ADAM29: variants seen among roughly 807,000 people sequenced by gnomAD.
ADAM29 encodes ADAM metallopeptidase domain 29.
For synonymous variants in ADAM29, 367 were observed against 342.3 expected, an observed-to-expected ratio of 1.07 and a Z score of -0.80; for missense variants, 969 against 1,001.8, an observed-to-expected ratio of 0.97 and a Z score of 0.44.
At position 174,977,628 on chromosome 4, in the gene ADAM29, T is replaced by C. The variant is rs1397293073; in HGVS notation, c.2103T>C (p.Ser701=). 1 of 1,613,958 alleles carries C rather than the reference T, an allele frequency of 6.2e-7. No homozygotes were observed. The highest frequency in any genetic ancestry group is 1.3e-5 in the African/African-American group (1 of 74,984). The change falls in exon 5 of 5, where the codon AGT becomes AGC. Residue 701 remains serine (S), a synonymous_variant. Transcript: ENST00000359240. ...GTCTTTATCGACTTTGTAAAAAAAG[T>C]AAACCAATAAAAAAGCAGCAAGATG... The part of the protein sequence containing the change: ...LCCLYRLCKK[S]KPIKKQQDVQ...
At chr4:174,963,904 C>T (rs996183319) in intron 4 of ADAM29, among the ~76,000 whole-genome samples, 1 of 152,066 alleles carries the variant, frequency 6.6e-6, no homozygotes, top group South Asian at 2.1e-4. Flanking sequence ...CTCCTGACCT[C>T]GTGATCTGCC....
At chr4:174,941,061 A>T (rs1744511487) in intron 4 of ADAM29, among the ~76,000 whole-genome samples, 1 of 152,160 alleles carries the variant, frequency 6.6e-6, no homozygotes, top group Non-Finnish European at 1.5e-5. Flanking sequence ...ATTGAGATAA[A>T]ATTCTATTTA....
intron 3 of ADAM29, among the ~76,000 whole-genome samples, chr4:174,936,125 T>A (rs778868810): frequency 1.3e-5 from 2 of 152,054 alleles, no homozygotes; most frequent in Admixed American, 6.6e-5. Context: ...AGACCTTCAA[T>A]AACAGCAATT....
chr4:174,959,945 T>G (rs1476240486), intron 4 of ADAM29, among the ~76,000 whole-genome samples: 4 of 152,010 alleles, frequency 2.6e-5, no homozygotes. Context: ...GAAAACTACC[T>G]GGGGCTGCGT....
At chr4:174,932,293 A>G (rs551793807) in intron 3 of ADAM29, among the ~76,000 whole-genome samples, 1 of 146,826 alleles carries the variant, frequency 6.8e-6, no homozygotes, top group East Asian at 2.1e-4. Flanking sequence ...GTCTCAAAAA[A>G]GAAGAAAAAA....
chr4:174,949,940 A>G (rs987160088), intron 4 of ADAM29, among the ~76,000 whole-genome samples: 8 of 152,018 alleles, frequency 5.3e-5, no homozygotes, highest in African/African-American at 1.9e-4. Context: ...AACATTTCCT[A>G]CATATAAACC....
At chr4:174,953,705 T>C (rs1321988527) in intron 4 of ADAM29, among the ~76,000 whole-genome samples, 1 of 151,888 alleles carries the variant, frequency 6.6e-6, no homozygotes. Context: ...TGACCCATGC[T>C]TTTTTTTATT....
At chr4:174,933,473 T>C (rs924353367) in intron 3 of ADAM29, among the ~76,000 whole-genome samples, 4 of 151,902 alleles carry the variant, frequency 2.6e-5, no homozygotes, top group African/African-American at 9.7e-5. Flanking sequence ...TACCAAGCTC[T>C]ATTTAAAAAA....
chr4:174,932,096 C>T (rs1198485740), intron 3 of ADAM29, among the ~76,000 whole-genome samples: 4 of 151,998 alleles, frequency 2.6e-5, no homozygotes. Flanking sequence ...CGAGACCAGC[C>T]TGATTAACAT....
intron 4 of ADAM29, among the ~76,000 whole-genome samples, chr4:174,947,290 G>T (rs909076183): frequency 1.3e-5 from 2 of 151,980 alleles, no homozygotes; most frequent in African/African-American, 4.8e-5. Flanking sequence ...TCTTCTGCTA[G>T]CTTTGGGGTT....
At chr4:174,953,557 C>T (rs964926543) in intron 4 of ADAM29, among the ~76,000 whole-genome samples, 3 of 152,116 alleles carry the variant, frequency 2.0e-5, no homozygotes, top group African/African-American at 7.2e-5. Flanking sequence ...CCCAGATATA[C>T]AGCATTCAAA....
At chr4:174,958,363 GTTC>G (rs1479908950) in intron 4 of ADAM29, among the ~76,000 whole-genome samples, 1 of 151,756 alleles carries the variant, frequency 6.6e-6, no homozygotes, top group African/African-American at 2.4e-5. Context: ...TTAAGGTTGT[GTTC>G]TTCTTGGAGA....
At chr4:174,939,838 G>A (rs1744425165) in intron 4 of ADAM29, among the ~76,000 whole-genome samples, 1 of 152,118 alleles carries the variant, frequency 6.6e-6, no homozygotes, top group Admixed American at 6.5e-5. Context: ...TGGAAAAATA[G>A]CCATTTTCTC....
chr4:174,950,272 T>G (rs1181020671), intron 4 of ADAM29, among the ~76,000 whole-genome samples: 2 of 152,164 alleles, frequency 1.3e-5, no homozygotes, highest in Admixed American at 6.5e-5. Flanking sequence ...AATAGAATGT[T>G]TCACAACTTA....
chr4:174,961,073 A>G (rs1745791280), intron 4 of ADAM29, among the ~76,000 whole-genome samples: 1 of 152,170 alleles, frequency 6.6e-6, no homozygotes, highest in East Asian at 1.9e-4. Context: ...GGCCTGTGGA[A>G]TATTCATTCT....
Position 174,976,426 on chromosome 4 carries a change from G to A in ADAM29, c.901G>A (p.Gly301Arg). ...TLGLRGLSGI[G>R]AFRGMCTPHR... Reference sequence around the variant, plus strand: ...AGGATTAAGAGGGTTAAGTGGCATAGGAGCTTTTAGAGGAATGTGTACACC... The same window carrying A: ...AGGATTAAGAGGGTTAAGTGGCATAAGAGCTTTTAGAGGAATGTGTACACC... Residue 301 changes from glycine (G) to arginine (R), a missense_variant, in exon 5 of 5, where the codon GGA (glycine) becomes AGA (arginine). Coordinates refer to ENST00000359240, the MANE Select transcript of ADAM29 (RefSeq NM_014269.4). 6.3e-7 allele frequency: 1 copy of A among 1,598,544 alleles called. No homozygotes were observed.
At chr4:174,974,490 C>T (rs1026337188) in intron 4 of ADAM29, among the ~76,000 whole-genome samples, 9 of 152,144 alleles carry the variant, frequency 5.9e-5, no homozygotes, top group African/African-American at 2.2e-4. Context: ...TGTCCATTGA[C>T]TTGTTTCAGA....
rs146519107 is a variant in ADAM29, at chr4:174,960,934, T to C, written c.-180-14412T>C. ...GCCCAGTCTACCTGAGTCAGTGTGA[T>C]AAGAACTGTCTCCTTTGCTTCAACC... On this transcript the variant is annotated intron_variant, in intron 4 of 4. Transcript: ENST00000359240. Among the ~76,000 whole-genome samples the C allele has an allele frequency of 2.8e-3, 425 of 152,300 alleles. 1 individual carries two copies. The highest frequency in any genetic ancestry group is 9.5e-3 in the African/African-American group (396 of 41,590).
Position 174,947,539 on chromosome 4 carries a change from G to A in ADAM29, c.-181+10526G>A, listed in dbSNP as rs568224336. Among the ~76,000 whole-genome samples the A allele has an allele frequency of 5.9e-5, 9 of 152,196 alleles. No homozygotes were observed. The South Asian group carries it at 1.0e-3, about 18-fold the overall frequency. On this transcript the variant is annotated intron_variant, in intron 4 of 4. Transcript: ENST00000359240. Reference sequence around the variant, plus strand: ...CAGAAACAGGTTGTTTAAATCCCTCGTAATTGTATGGTTTTGAGCAATCTT... The same window carrying A: ...CAGAAACAGGTTGTTTAAATCCCTCATAATTGTATGGTTTTGAGCAATCTT...
Sources: allele counts gnomAD v4.1 joint callset (sites outside exome capture counted in the v4.1 genomes callset), GRCh38; gene constraint gnomAD v4.1.1; transcripts MANE v1.5; gene names NCBI Gene and HGNC (gene_info 2026-07-23, HGNC 2026-07-21).